Variants in GRID2 observed in about 807,000 individuals in gnomAD.
GRID2 encodes the protein glutamate receptor ionotropic, delta-2.
A neutral mutation model predicts 114.8 loss-of-function variants in GRID2; 33 were observed. That is an observed-to-expected ratio of 0.29 (90% CI 0.22 to 0.38). GRID2 has a LOEUF of 0.38. Among genes scored for constraint, GRID2 ranks in the 10% least tolerant of loss-of-function variants. The pLI is 1.00. For synonymous variants in GRID2, 505 were observed against 449.9 expected (o/e 1.12, Z -1.55); for missense variants, 1,184 against 1,257.7 (o/e 0.94, Z 0.89).
intron 13 of GRID2, among the ~76,000 whole-genome samples, chr4:93,587,591 C>A (rs755350535): frequency 1.3e-5 from 2 of 152,064 alleles, no homozygotes; most frequent in African/African-American, 4.8e-5. Flanking sequence ...TCCATGGCCT[C>A]ATTTTAGTAT....
chr4:92,675,700 G>T (rs781396993), intron 2 of GRID2, among the ~76,000 whole-genome samples: 1 of 151,602 alleles, frequency 6.6e-6, no homozygotes, highest in African/African-American at 2.4e-5. Context: ...ACAGGGGTCC[G>T]CCACGACGCC....
intron 8 of GRID2, among the ~76,000 whole-genome samples, chr4:93,385,567 A>G (rs1764236385): frequency 6.6e-6 from 1 of 152,182 alleles, no homozygotes; most frequent in Non-Finnish European, 1.5e-5. Context: ...CAGTGAATAG[A>G]AGAGGCAAAG....
At chr4:92,477,819 A>T (rs11945463) in intron 1 of GRID2, among the ~76,000 whole-genome samples, 52,633 of 146,510 alleles carry the variant, frequency 0.36, 9,821 homozygotes, top group African/African-American at 0.45. Context: ...ATATAATTAA[A>T]ATAATATATA....
At chr4:93,097,786 T>A (rs2149336577) in intron 3 of GRID2, among the ~76,000 whole-genome samples, 1 of 152,048 alleles carries the variant, frequency 6.6e-6, no homozygotes, top group Non-Finnish European at 1.5e-5. Context: ...ACATTGGACA[T>A]TTCTAGTTGT....
intron 2 of GRID2, among the ~76,000 whole-genome samples, chr4:92,699,135 A>G (rs892018450): frequency 6.6e-6 from 1 of 152,184 alleles, no homozygotes; most frequent in African/African-American, 2.4e-5. Flanking sequence ...TCTAAAAAAT[A>G]GTTATCAGCT....
intron 2 of GRID2, among the ~76,000 whole-genome samples, chr4:92,750,478 A>G (rs1737395894): frequency 9.0e-6 from 1 of 111,316 alleles, no homozygotes; most frequent in South Asian, 3.0e-4. Context: ...ACATGTCCAT[A>G]TTCACATAGA....
chr4:93,760,301 G>GT (rs1733098102), intron 14 of GRID2, among the ~76,000 whole-genome samples: 1 of 152,134 alleles, frequency 6.6e-6, no homozygotes, highest in Admixed American at 6.6e-5. Context: ...GTTCACAGTT[G>GT]TTTCTTTTTC....
At chr4:93,258,134 A>G (rs1306882623) in intron 8 of GRID2, among the ~76,000 whole-genome samples, 1 of 151,356 alleles carries the variant, frequency 6.6e-6, no homozygotes, top group Non-Finnish European at 1.5e-5. Context: ...TTTTATTCTC[A>G]TGGAAGCATG....
At chr4:92,915,158 C>T (rs995650853) in intron 2 of GRID2, among the ~76,000 whole-genome samples, 2 of 152,100 alleles carry the variant, frequency 1.3e-5, no homozygotes, top group African/African-American at 4.8e-5. Context: ...CTCATGAGAA[C>T]TTACTCAGAA....
chr4:92,902,047 C>A (rs2149481360), intron 2 of GRID2, among the ~76,000 whole-genome samples: 1 of 152,188 alleles, frequency 6.6e-6, no homozygotes, highest in South Asian at 2.1e-4. Context: ...AACCTCACTA[C>A]TTACTATTTT....
chr4:93,002,788 T>C (rs1412555083), intron 2 of GRID2, among the ~76,000 whole-genome samples: 1 of 151,836 alleles, frequency 6.6e-6, no homozygotes, highest in Non-Finnish European at 1.5e-5. Context: ...CAGTGCTTTA[T>C]TTTCTTACAT....
At chr4:93,262,842 C>T (rs1484907041) in intron 8 of GRID2, among the ~76,000 whole-genome samples, 2 of 151,646 alleles carry the variant, frequency 1.3e-5, no homozygotes, top group African/African-American at 2.4e-5. Context: ...AAAATGAAAT[C>T]GCTATACTAA....
intron 1 of GRID2, among the ~76,000 whole-genome samples, chr4:92,545,279 C>A (rs1726185356): frequency 6.6e-6 from 1 of 152,096 alleles, no homozygotes; most frequent in South Asian, 2.1e-4. Flanking sequence ...TTTAGCACTG[C>A]ACAATAGAGA....
chr4:92,760,849 G>T (rs563107262), intron 2 of GRID2, among the ~76,000 whole-genome samples: 3 of 152,260 alleles, frequency 2.0e-5, no homozygotes, highest in African/African-American at 4.8e-5. Flanking sequence ...TATACAGATA[G>T]CTATGAATAC....
chr4:93,653,969 C>G (rs1007203541), intron 14 of GRID2, among the ~76,000 whole-genome samples: 1 of 152,128 alleles, frequency 6.6e-6, no homozygotes, highest in Non-Finnish European at 1.5e-5. Flanking sequence ...TTCTTCAAAG[C>G]ACTCCATTTT....
chr4:92,632,507 C>T (rs916222655), intron 2 of GRID2, among the ~76,000 whole-genome samples: 3 of 152,056 alleles, frequency 2.0e-5, no homozygotes, highest in Non-Finnish European at 4.4e-5. Flanking sequence ...GTGGCACACA[C>T]CTATAATCCC....
intron 14 of GRID2, among the ~76,000 whole-genome samples, chr4:93,677,614 G>C (rs951432085): frequency 1.3e-5 from 2 of 152,080 alleles, no homozygotes; most frequent in Non-Finnish European, 2.9e-5. Context: ...AGCAGCATTC[G>C]CAGTTCATGA....
At chr4:93,461,881 T>C (rs1483785642) in intron 11 of GRID2, among the ~76,000 whole-genome samples, 1 of 152,156 alleles carries the variant, frequency 6.6e-6, no homozygotes, top group East Asian at 1.9e-4. Flanking sequence ...TTTTTAGAAG[T>C]CTCTTATGTT....
intron 1 of GRID2, among the ~76,000 whole-genome samples, chr4:92,551,229 TG>T (rs2149172832): frequency 6.6e-6 from 1 of 151,552 alleles, no homozygotes; most frequent in African/African-American, 2.4e-5. Context: ...AGTATTTCTT[TG>T]AAGGGAAATA....
Sources: allele counts gnomAD v4.1 joint callset (sites outside exome capture counted in the v4.1 genomes callset), GRCh38; gene constraint gnomAD v4.1.1; transcripts MANE v1.5; gene names NCBI Gene and HGNC (gene_info 2026-07-23, HGNC 2026-07-21).